The following TCF7L2 variants were observed in gnomAD, a reference collection of about 807,000 sequenced individuals.
TCF7L2 encodes transcription factor 7-like 2.
In TCF7L2, 23 loss-of-function variants were observed where a neutral mutation model predicts 77.9. The ratio of observed to expected loss-of-function variants is 0.30; its 90% CI spans 0.21 to 0.42. The LOEUF is 0.42. Ranked by LOEUF, TCF7L2 falls within the 10% of genes least tolerant of loss-of-function variation. TCF7L2 has a pLI of 1.00. For missense variants in TCF7L2, 654 were observed against 793.1 expected (o/e 0.82, Z 2.11); for synonymous variants, 413 against 340.2 (o/e 1.21, Z -2.36).
At chr10:113,161,407 C>G (rs144343722) in intron 13 of TCF7L2, 1 of 665,678 alleles carries the variant, frequency 1.5e-6, no homozygotes, top group East Asian at 2.7e-5. Context: ...CCAGAAGTGT[C>G]CAAATTAAGC....
intron 4 of TCF7L2, among the ~76,000 whole-genome samples, chr10:112,998,052 A>G (rs968885321): frequency 2.0e-5 from 3 of 151,874 alleles, no homozygotes; most frequent in African/African-American, 7.3e-5. Context: ...GAAGATGCAG[A>G]GAGTGAAGGG....
intron 4 of TCF7L2, among the ~76,000 whole-genome samples, chr10:112,979,804 T>C (rs148770241): frequency 1.3e-5 from 2 of 152,170 alleles, no homozygotes; most frequent in Admixed American, 6.6e-5. Flanking sequence ...CTCACAGTTA[T>C]GTTTCAACAC....
At chr10:112,995,403 A>T (rs142171284) in intron 4 of TCF7L2, among the ~76,000 whole-genome samples, 2 of 152,142 alleles carry the variant, frequency 1.3e-5, no homozygotes, top group South Asian at 4.1e-4. Flanking sequence ...TCTCTGTCTC[A>T]GCCCTGGAGA....
intron 5 of TCF7L2, among the ~76,000 whole-genome samples, chr10:113,063,336 G>A (rs1334582081): frequency 2.0e-5 from 3 of 152,134 alleles, no homozygotes; most frequent in Non-Finnish European, 4.4e-5. Context: ...CATGGGCTTC[G>A]GGGGCCACCC....
intron 5 of TCF7L2, among the ~76,000 whole-genome samples, chr10:113,118,519 GGGT>G (rs1247143456): frequency 3.6e-4 from 48 of 134,938 alleles, no homozygotes; most frequent in African/African-American, 1.2e-3. Flanking sequence ...GTCATCTGGG[GGGT>G]GTGTGTGTGT....
intron 5 of TCF7L2, among the ~76,000 whole-genome samples, chr10:113,128,527 A>G (rs1301024889): frequency 1.3e-5 from 2 of 152,094 alleles, no homozygotes; most frequent in Admixed American, 6.5e-5. Flanking sequence ...GCCAGAAGAA[A>G]CCAAATCTTT....
At chr10:113,030,912 G>T (rs1383671004) in intron 4 of TCF7L2, among the ~76,000 whole-genome samples, 7 of 152,174 alleles carry the variant, frequency 4.6e-5, no homozygotes, top group Non-Finnish European at 1.0e-4. Flanking sequence ...GCCTCTTTTG[G>T]TCACTATGGA....
intron 4 of TCF7L2, among the ~76,000 whole-genome samples, chr10:112,980,448 A>T (rs1473237112): frequency 6.6e-6 from 1 of 152,204 alleles, no homozygotes; most frequent in Non-Finnish European, 1.5e-5. Context: ...ATGGTGAGTT[A>T]TCTAGATAAG....
rs2137148971 is a variant in TCF7L2, at chr10:113,151,698, G to A, written c.1002-27G>A. 1 of 1,563,834 alleles carries A rather than the reference G, an allele frequency of 6.4e-7. No homozygotes were observed. The highest frequency in any genetic ancestry group is 8.6e-7 in the Non-Finnish European group (1 of 1,162,686). On this transcript the variant is annotated intron_variant, in intron 9 of 13. Coordinates refer to ENST00000627217, the MANE Select transcript of TCF7L2 (RefSeq NM_001146274.2). The surrounding 1 kb of genome is among the most constrained non-coding windows in gnomAD (Gnocchi z 5.2). ...AGTTGGACCACGACCTTGTTTATTGGGTTGCGTCTGTTTTGTCTATCTCCA... is the reference window on the plus strand; with the variant it reads ...AGTTGGACCACGACCTTGTTTATTGAGTTGCGTCTGTTTTGTCTATCTCCA...
chr10:113,142,875 G>T (rs778057930), intron 6 of TCF7L2, among the ~76,000 whole-genome samples: 3 of 152,208 alleles, frequency 2.0e-5, no homozygotes, highest in African/African-American at 7.2e-5. Flanking sequence ...CAAATGGCTC[G>T]ATGTAGGGTC....
intron 6 of TCF7L2, 126 bp downstream of exon 6, chr10:113,141,442 G>GC (rs1257089575): frequency 1.3e-5 from 18 of 1,362,568 alleles, no homozygotes; most frequent in Non-Finnish European, 1.8e-5. Flanking sequence ...TGGTGGGGGG[G>GC]CCCCTGTTGC....
At chr10:112,969,836 C>T (rs1224461206) in intron 4 of TCF7L2, among the ~76,000 whole-genome samples, 1 of 152,206 alleles carries the variant, frequency 6.6e-6, no homozygotes, top group African/African-American at 2.4e-5. Context: ...ACAGAGCTGT[C>T]TCCCAGGAAT....
intron 4 of TCF7L2, among the ~76,000 whole-genome samples, chr10:112,986,985 G>A (rs1390386408): frequency 1.3e-5 from 2 of 152,216 alleles, no homozygotes; most frequent in Non-Finnish European, 2.9e-5. Context: ...TGTCTGCTGT[G>A]AAGAATTACT....
intron 4 of TCF7L2, among the ~76,000 whole-genome samples, chr10:112,970,397 G>A (rs1434653760): frequency 6.6e-6 from 1 of 151,590 alleles, no homozygotes; most frequent in Non-Finnish European, 1.5e-5. Context: ...AATCAGTAAG[G>A]CCACCAGGAC....
At chr10:112,980,629 T>C (rs1218142959) in intron 4 of TCF7L2, among the ~76,000 whole-genome samples, 1 of 146,380 alleles carries the variant, frequency 6.8e-6, no homozygotes, top group African/African-American at 2.5e-5. Flanking sequence ...ATTTGTTTCT[T>C]TTTTTTTTTT....
At chr10:113,008,901 G>A (rs1178579325) in intron 4 of TCF7L2, among the ~76,000 whole-genome samples, 6 of 152,100 alleles carry the variant, frequency 3.9e-5, no homozygotes, top group African/African-American at 1.4e-4. Flanking sequence ...TTCTGCTCAT[G>A]GAATAGCCTC....
chr10:113,147,883 C>T (rs544808767), intron 8 of TCF7L2, among the ~76,000 whole-genome samples: 18 of 152,132 alleles, frequency 1.2e-4, no homozygotes, highest in Admixed American at 5.2e-4. Context: ...AGGCAGGGAA[C>T]GTCAGGAAGA....
intron 5 of TCF7L2, among the ~76,000 whole-genome samples, chr10:113,112,739 C>CCTGTACTG (rs1345204106): frequency 6.6e-6 from 1 of 152,142 alleles, no homozygotes; most frequent in Non-Finnish European, 1.5e-5. Context: ...ATCGTACTGT[C>CCTGTACTG]CTGTACTGTC....
chr10:113,130,559 T>A (rs1288636939), intron 5 of TCF7L2, among the ~76,000 whole-genome samples: 1 of 152,172 alleles, frequency 6.6e-6, no homozygotes, highest in Non-Finnish European at 1.5e-5. Flanking sequence ...AGATGCTGGC[T>A]TTTTAGGGCT....
Sources: allele counts gnomAD v4.1 joint callset (sites outside exome capture counted in the v4.1 genomes callset), GRCh38; gene constraint gnomAD v4.1.1; non-coding constraint Gnocchi (gnomAD v3.1); transcripts MANE v1.5; gene names NCBI Gene and HGNC (gene_info 2026-07-23, HGNC 2026-07-21).